The following BICC1 variants were observed in gnomAD, a reference collection of about 807,000 sequenced individuals.
BICC1 encodes the protein BicC family RNA binding protein 1, also known as protein bicaudal C homolog 1.
In BICC1, 43 loss-of-function variants were observed where a neutral mutation model predicts 111.0. The observed-to-expected ratio is 0.39, with a 90% CI of 0.30 to 0.50. BICC1 has a LOEUF of 0.50. BICC1 is among the 20% of genes least tolerant of loss of function. The pLI, the probability that BICC1 is intolerant of heterozygous loss-of-function variation, is 0.88. For synonymous variants in BICC1, 467 were observed against 434.4 expected (o/e 1.07, Z -0.93); for missense variants, 1,091 against 1,203.2 (o/e 0.91, Z 1.38).
chr10:58,809,264 G>A (rs1843821352), intron 17 of BICC1, among the ~76,000 whole-genome samples: 1 of 151,972 alleles, frequency 6.6e-6, no homozygotes, highest in Admixed American at 6.6e-5. Context: ...TCAAACTCCT[G>A]ACCTCAAGTG....
In BICC1 at chr10:58,740,063, G is replaced by C. The variant is rs1339652299; in HGVS notation, c.307+37920G>C. ...CTAGCTGGGTTTACTTAATCTTTTT[G>C]ATCAGTTTCCTTATATGTAAAACAA... On this transcript the variant is annotated intron_variant, in intron 3 of 20. Transcript: ENST00000373886. 6.6e-5 allele frequency among the ~76,000 whole-genome samples: 10 copies of C among 152,172 alleles called. No individual in the cohort carries two copies. In the East Asian group the frequency reaches 1.9e-3, roughly 29 times the overall value.
chr10:58,638,618 C>T (rs1318303474), intron 2 of BICC1, among the ~76,000 whole-genome samples: 1 of 152,152 alleles, frequency 6.6e-6, no homozygotes, highest in Non-Finnish European at 1.5e-5. Context: ...GTGTGTGCCT[C>T]ATCAGCCTTC....
chr10:58,707,246 G>A (rs908460612), intron 3 of BICC1, among the ~76,000 whole-genome samples: 6 of 152,156 alleles, frequency 3.9e-5, no homozygotes, highest in Admixed American at 1.3e-4. Flanking sequence ...TAGACAGTTC[G>A]TTTTGTTTTT....
At chr10:58,572,246 T>C (rs920042792) in intron 1 of BICC1, among the ~76,000 whole-genome samples, 1 of 152,298 alleles carries the variant, frequency 6.6e-6, no homozygotes, top group South Asian at 2.1e-4. Context: ...GATGAATGGA[T>C]TGCAAAAATT....
At chr10:58,824,193 ACC>A in intron 20 of BICC1, 1 of 652,780 alleles carries the variant, frequency 1.5e-6, no homozygotes, top group Non-Finnish European at 1.9e-6. Context: ...CAGGGCATTG[ACC>A]TTTCCATCAA....
chr10:58,793,589 A>G lies in BICC1; in HGVS notation c.1153A>G (p.Lys385Glu). The change falls in exon 9 of 21, where the codon AAA (lysine) becomes GAA (glutamate). Residue 385 changes from lysine to glutamate, a missense_variant. Around this residue, in one of 3 missense-constraint regions of BICC1, gnomAD observed 843 missense variants for 900.8 expected, o/e 0.94. Transcript: ENST00000373886. Reference sequence around the variant, plus strand: ...ACAGCTTGATGTCTTCATCAGTATTAAACCAAAGCCCAAACAGCCAAGCAA... The same window carrying G: ...ACAGCTTGATGTCTTCATCAGTATTGAACCAAAGCCCAAACAGCCAAGCAA... ...MEQLDVFISI[K>E]PKPKQPSKSV... 1.2e-6 allele frequency: 2 copies of G among 1,613,954 alleles called. No individual in the cohort carries two copies. The highest frequency in any genetic ancestry group is 2.2e-5 in the South Asian group (2 of 91,014).
chr10:58,771,039 C>A (rs527336671), intron 3 of BICC1, among the ~76,000 whole-genome samples: 1 of 152,290 alleles, frequency 6.6e-6, no homozygotes, highest in African/African-American at 2.4e-5. Flanking sequence ...TTAATCCTTA[C>A]AACAATCTAT....
chr10:58,626,891 G>A (rs182970407), intron 2 of BICC1, among the ~76,000 whole-genome samples: 261 of 152,264 alleles, frequency 1.7e-3, no homozygotes, highest in African/African-American at 5.2e-3. Context: ...GATCACCTGA[G>A]GTCAGGAGTT....
intron 2 of BICC1, among the ~76,000 whole-genome samples, chr10:58,659,192 T>C (rs568049126): frequency 1.4e-4 from 21 of 152,262 alleles, no homozygotes; most frequent in African/African-American, 5.1e-4. Context: ...TGGTGATTTT[T>C]CAAAGAGCTC....
At chr10:58,589,043 C>A (rs1589122871) in intron 1 of BICC1, among the ~76,000 whole-genome samples, 1 of 152,182 alleles carries the variant, frequency 6.6e-6, no homozygotes, top group Non-Finnish European at 1.5e-5. Flanking sequence ...AGCCAAGGAA[C>A]CTCTCTCACA....
chr10:58,812,564 G>A (rs1190716826), intron 17 of BICC1, among the ~76,000 whole-genome samples: 3 of 150,212 alleles, frequency 2.0e-5, no homozygotes, highest in Non-Finnish European at 4.4e-5. Context: ...TGCAACCTCC[G>A]CCTCCTGGGT....
In BICC1 at chr10:58,611,281, A is replaced by G. The variant is rs1168027203; in HGVS notation, c.191-9574A>G. Among the ~76,000 whole-genome samples, 8 of 152,346 alleles carry G rather than the reference A, an allele frequency of 5.3e-5. No homozygotes were observed. The South Asian group carries it at 1.0e-3, about 20-fold the overall frequency. On this transcript the variant is annotated intron_variant, in intron 1 of 20. Coordinates refer to ENST00000373886, the MANE Select transcript of BICC1 (RefSeq NM_001080512.3). Reference sequence around the variant, plus strand: ...AAAATACAAAGAAAAAATGATAAACAGACCCAAGAATTCTACCACTCAAAT... The same window carrying G: ...AAAATACAAAGAAAAAATGATAAACGGACCCAAGAATTCTACCACTCAAAT...
rs7084787 is a variant in BICC1 at position 58,593,722 on chromosome 10, A to C, written c.191-27133A>C. Among the ~76,000 whole-genome samples the C allele has an allele frequency of 9.5e-3, 1,439 of 152,254 alleles. 30 individuals carry two copies. The highest frequency in any genetic ancestry group is 0.033 in the African/African-American group (1,360 of 41,562). ...CACTCAAAGACCCCATCCGAAGGTC[A>C]CCAACACCAAACACCAAAGGTAGAT... On this transcript the variant is annotated intron_variant, in intron 1 of 20. Coordinates refer to ENST00000373886, the MANE Select transcript of BICC1 (RefSeq NM_001080512.3).
intron 3 of BICC1, among the ~76,000 whole-genome samples, chr10:58,747,710 G>A (rs895311173): frequency 6.6e-6 from 1 of 151,956 alleles, no homozygotes; most frequent in Admixed American, 6.6e-5. Flanking sequence ...TCTAAAAATG[G>A]CTATTTGAAA....
chr10:58,828,717 G>T, intron 20 of BICC1, 44 bp from the exon 21 acceptor site: 1 of 1,599,064 alleles, frequency 6.3e-7, no homozygotes, highest in South Asian at 1.1e-5. Context: ...AGTATACATA[G>T]AACTTCTCTT....
At chr10:58,779,063 G>A (rs1170342938) in intron 3 of BICC1, among the ~76,000 whole-genome samples, 2 of 152,054 alleles carry the variant, frequency 1.3e-5, no homozygotes, top group African/African-American at 2.4e-5. Flanking sequence ...ATGTGATGTT[G>A]GTATGTTATT....
chr10:58,557,620 T>G (rs1337290853), intron 1 of BICC1, among the ~76,000 whole-genome samples: 1 of 152,104 alleles, frequency 6.6e-6, no homozygotes. Context: ...CTCACATTTT[T>G]TTCTCACATA....
intron 3 of BICC1, among the ~76,000 whole-genome samples, chr10:58,774,450 A>T (rs963012087): frequency 6.6e-6 from 1 of 152,242 alleles, no homozygotes; most frequent in Admixed American, 6.5e-5. Flanking sequence ...GAGTGAATTG[A>T]TCTCAGACTT....
At chr10:58,749,899 C>A (rs1841937727) in intron 3 of BICC1, among the ~76,000 whole-genome samples, 1 of 152,120 alleles carries the variant, frequency 6.6e-6, no homozygotes, top group Non-Finnish European at 1.5e-5. Context: ...ATTCTAACAT[C>A]AAGCCTTCAG....
Sources: gnomAD v4.1 joint callset for allele counts (sites outside exome capture counted in the v4.1 genomes callset) on GRCh38, gnomAD v4.1.1 for gene constraint, gnomAD v4.1.1 regional missense constraint, MANE v1.5 for transcripts, NCBI Gene and HGNC (gene_info 2026-07-23, HGNC 2026-07-21) for gene names.